The following HECW1 variants were observed in gnomAD, a reference collection of about 807,000 sequenced individuals.
HECW1 encodes E3 ubiquitin-protein ligase HECW1.
A neutral mutation model predicts 182.3 loss-of-function variants in HECW1; 61 were observed. The ratio of observed to expected loss-of-function variants is 0.33; its 90% CI spans 0.27 to 0.41. The LOEUF (loss-of-function observed/expected upper bound fraction) is 0.41, where lower values mean the gene tolerates loss of function less well. Among genes scored for constraint, HECW1 ranks in the 10% least tolerant of loss-of-function variants. HECW1 has a pLI of 1.00. For missense variants in HECW1, 1,739 were observed against 2,108.9 expected (o/e 0.82, Z 3.44); for synonymous variants, 859 against 832.6 (o/e 1.03, Z -0.55).
chr7:43,142,397 T>C (rs960285814), intron 2 of HECW1, among the ~76,000 whole-genome samples: 1 of 152,190 alleles, frequency 6.6e-6, no homozygotes. Flanking sequence ...AATGTATTCA[T>C]GCACAGAATC....
intron 3 of HECW1, among the ~76,000 whole-genome samples, chr7:43,259,126 C>A (rs960445941): frequency 7.9e-5 from 12 of 152,160 alleles, no homozygotes; most frequent in Non-Finnish European, 1.5e-4. Context: ...AGCAGCTCAA[C>A]CTGTAATTCC....
intron 2 of HECW1, among the ~76,000 whole-genome samples, chr7:43,146,515 G>A (rs1788729879): frequency 6.6e-6 from 1 of 152,202 alleles, no homozygotes; most frequent in African/African-American, 2.4e-5. Context: ...GCCTTAACTG[G>A]TGAAAAGGGG....
chr7:43,273,327 A>G (rs1229857104), intron 3 of HECW1, among the ~76,000 whole-genome samples: 1 of 152,190 alleles, frequency 6.6e-6, no homozygotes, highest in African/African-American at 2.4e-5. Context: ...TAAAAGTTGA[A>G]AAAAATAAAG....
At chr7:43,354,195 A>G (rs1814816087) in intron 5 of HECW1, among the ~76,000 whole-genome samples, 1 of 152,062 alleles carries the variant, frequency 6.6e-6, no homozygotes, top group South Asian at 2.1e-4. Context: ...AATAAAAAAA[A>G]AAAAAGGCCA....
intron 13 of HECW1, among the ~76,000 whole-genome samples, chr7:43,458,800 T>C (rs2077484808): frequency 6.6e-6 from 1 of 152,136 alleles, no homozygotes. Flanking sequence ...TAACCCACAG[T>C]TATCCAGAGA....
At position 43,421,019 on chromosome 7, in the gene HECW1, G is replaced by T. The variant is rs148644087; in HGVS notation, c.801+13288G>T. ...GAAAAAGAAAAGAAAAAAAAAGCAG[G>T]ACTTTTATACTGCCGGATGTCCAGA... On this transcript the variant is annotated intron_variant, in intron 8 of 29. Transcript: ENST00000395891. 6.6e-4 allele frequency among the ~76,000 whole-genome samples: 101 copies of T among 152,214 alleles called. 1 individual carries two copies. The highest frequency in any genetic ancestry group is 2.4e-3 in the African/African-American group (100 of 41,532).
rs1331799246 is a variant in HECW1, at chr7:43,297,910, A to G, written c.28-13853A>G. On this transcript the variant is annotated intron_variant, in intron 3 of 29. Transcript: ENST00000395891. ...AGCATAGAGAGACCTGTCTCTAGAA[A>G]AACATTTTTTTAAATTAGCCAGACA... 3.3e-5 allele frequency among the ~76,000 whole-genome samples: 5 copies of G among 152,268 alleles called. No individual in the cohort carries two copies. The South Asian group carries it at 6.2e-4, about 19-fold the overall frequency.
At chr7:43,264,775 C>G (rs1437299681) in intron 3 of HECW1, among the ~76,000 whole-genome samples, 1 of 146,942 alleles carries the variant, frequency 6.8e-6, no homozygotes, top group Non-Finnish European at 1.5e-5. Context: ...ACCCAGGAGG[C>G]GGAGCTTGCA....
chr7:43,335,689 T>G (rs555575199), intron 5 of HECW1, among the ~76,000 whole-genome samples: 1 of 152,150 alleles, frequency 6.6e-6, no homozygotes, highest in Non-Finnish European at 1.5e-5. Flanking sequence ...TCTTTCTTTT[T>G]CCTTCCTTCC....
chr7:43,498,742 C>T (rs1585095774), intron 19 of HECW1, among the ~76,000 whole-genome samples: 1 of 152,086 alleles, frequency 6.6e-6, no homozygotes, highest in Admixed American at 6.5e-5. Flanking sequence ...TGCAACGGTG[C>T]TTCACCCGCA....
intron 3 of HECW1, among the ~76,000 whole-genome samples, chr7:43,296,391 T>A (rs1298221463): frequency 6.6e-6 from 1 of 152,220 alleles, no homozygotes; most frequent in East Asian, 1.9e-4. Context: ...TTGCAGAGTG[T>A]GGCTCAGCTT....
intron 2 of HECW1, among the ~76,000 whole-genome samples, chr7:43,133,126 TTAAAC>T (rs1158604449): frequency 3.3e-5 from 5 of 152,148 alleles, no homozygotes; most frequent in Non-Finnish European, 5.9e-5. Context: ...TTTCCTAGAA[TTAAAC>T]TATCTTTACA....
chr7:43,469,339 T>C (rs7792824), intron 16 of HECW1, among the ~76,000 whole-genome samples: 67,271 of 151,994 alleles, frequency 0.44, 15,101 homozygotes, highest in Middle Eastern at 0.49. Context: ...GCCCTCACGC[T>C]GCTAGATGCC....
At position 43,501,203 on chromosome 7, in the gene HECW1, T is replaced by TAAA; in HGVS notation, c.3522-10_3522-9insAAA. On this transcript the variant is annotated splice_polypyrimidine_tract_variant and intron_variant, in intron 20 of 29. Transcript: ENST00000395891. ...TCTTTCTTTTTTTTTTTTTTTTTTT[T>TAAA]CATATGCAGTCTCTTTGAAGAAGAG... 8.9e-7 allele frequency: 1 copy of TAAA among 1,121,440 alleles called. No individual in the cohort carries two copies. The highest frequency in any genetic ancestry group is 1.3e-6 in the Non-Finnish European group (1 of 771,758). The allele number at this position is 1,121,440 out of a possible 1,614,324, so 69.5% of individuals were successfully genotyped here. A position where few individuals can be genotyped will look rare whatever the true frequency, so the allele number is the denominator to read the frequency against.
At chr7:43,488,379 GA>G in intron 17 of HECW1, among the ~76,000 whole-genome samples, 1 of 88,792 alleles carries the variant, frequency 1.1e-5, no homozygotes, top group Non-Finnish European at 2.5e-5. Flanking sequence ...AGGAAGGAAG[GA>G]AGGAAGGAAG....
Position 43,211,202 on chromosome 7 carries a change from G to T in HECW1, c.-31-32673G>T, listed in dbSNP as rs2152695183. 1.3e-5 allele frequency among the ~76,000 whole-genome samples: 2 copies of T among 152,310 alleles called. 1 individual carries two copies. Among genetic ancestry groups the T allele is most frequent in the South Asian group, 4.2e-4 (2 of 4,814 alleles). On this transcript the variant is annotated intron_variant, in intron 2 of 29. Coordinates refer to ENST00000395891, the MANE Select transcript of HECW1 (RefSeq NM_015052.5). ...TCCCAGCTAGGTTTAGGGATTCTTA[G>T]TCGGTTTAGGAAATCCAGCTAGTCC...
intron 2 of HECW1, among the ~76,000 whole-genome samples, chr7:43,230,417 C>T (rs187187504): frequency 1.9e-4 from 29 of 152,022 alleles, no homozygotes; most frequent in Non-Finnish European, 2.6e-4. Flanking sequence ...TAAAAACAAC[C>T]AGTGTCATGG....
chr7:43,145,218 A>G (rs562896358), intron 2 of HECW1, among the ~76,000 whole-genome samples: 87 of 152,306 alleles, frequency 5.7e-4, no homozygotes, highest in Non-Finnish European at 1.0e-3. Context: ...AACTCAATGT[A>G]GTCTGCATGG....
intron 2 of HECW1, among the ~76,000 whole-genome samples, chr7:43,235,042 G>A (rs983119160): frequency 4.6e-5 from 7 of 152,180 alleles, no homozygotes; most frequent in South Asian, 2.1e-4. Context: ...TGCCAGACCC[G>A]TGGTCCAGAC....
Sources: allele counts gnomAD v4.1 joint callset (sites outside exome capture counted in the v4.1 genomes callset), GRCh38; gene constraint gnomAD v4.1.1; transcripts MANE v1.5; gene names NCBI Gene and HGNC (gene_info 2026-07-23, HGNC 2026-07-21).